TBC1D22A: variants seen among roughly 807,000 people sequenced by gnomAD.
The protein encoded by TBC1D22A is TBC1 domain family member 22A.
TBC1D22A carries 38 observed loss-of-function variants against 60.2 expected under a neutral mutation model. That is an observed-to-expected ratio of 0.63 (90% CI 0.49 to 0.83). TBC1D22A has a LOEUF of 0.83. Ranked by LOEUF, TBC1D22A falls within the 40% of genes least tolerant of loss-of-function variation. The pLI, the probability that TBC1D22A is intolerant of heterozygous loss-of-function variation, is 0.00. For synonymous variants in TBC1D22A, 302 were observed against 281.7 expected (o/e 1.07, Z -0.72); for missense variants, 628 against 701.0 (o/e 0.90, Z 1.18).
chr22:47,003,702 A>ACG (rs1458725018), intron 10 of TBC1D22A, among the ~76,000 whole-genome samples: 7 of 104,396 alleles, frequency 6.7e-5, no homozygotes, highest in East Asian at 2.9e-4. Flanking sequence ...CACACACCCT[A>ACG]CACACATGCC....
At chr22:46,889,038 A>C (rs796851173) in intron 5 of TBC1D22A, among the ~76,000 whole-genome samples, 1 of 152,346 alleles carries the variant, frequency 6.6e-6, no homozygotes, top group African/African-American at 2.4e-5. Flanking sequence ...AGGAACACTA[A>C]TTATAAAAGA....
At chr22:47,096,138 T>C (rs1251178099) in intron 11 of TBC1D22A, among the ~76,000 whole-genome samples, 1 of 152,256 alleles carries the variant, frequency 6.6e-6, no homozygotes, top group African/African-American at 2.4e-5. Context: ...TTTGTTTCAT[T>C]TTTAAAAAGC....
At chr22:46,794,934 G>T (rs941948809) in intron 3 of TBC1D22A, among the ~76,000 whole-genome samples, 3 of 152,210 alleles carry the variant, frequency 2.0e-5, no homozygotes, top group African/African-American at 7.2e-5. Context: ...AGAAGATGGA[G>T]ATTGTTAGGG....
At chr22:47,151,278 C>T (rs781198050) in intron 12 of TBC1D22A, among the ~76,000 whole-genome samples, 4 of 152,198 alleles carry the variant, frequency 2.6e-5, no homozygotes, top group Non-Finnish European at 4.4e-5. Context: ...TCCACCTTCC[C>T]GGGTGAGGCA....
intron 11 of TBC1D22A, among the ~76,000 whole-genome samples, chr22:47,093,680 A>G (rs2065067099): frequency 6.6e-6 from 1 of 152,212 alleles, no homozygotes; most frequent in South Asian, 2.1e-4. Context: ...GAACATGAAA[A>G]CGATCTGTCA....
At chr22:46,996,518 C>T (rs139006422) in intron 9 of TBC1D22A, among the ~76,000 whole-genome samples, 1 of 152,380 alleles carries the variant, frequency 6.6e-6, no homozygotes, top group Admixed American at 6.5e-5. Context: ...CCCTGGTTCC[C>T]CTTGCCATGT....
At chr22:46,786,522 T>G in intron 1 of TBC1D22A, among the ~76,000 whole-genome samples, 1 of 152,198 alleles carries the variant, frequency 6.6e-6, no homozygotes, top group East Asian at 1.9e-4. Flanking sequence ...ACTTGCCTCA[T>G]AGAATGAGTT....
intron 4 of TBC1D22A, among the ~76,000 whole-genome samples, chr22:46,819,065 AT>A (rs2085718909): frequency 6.6e-6 from 1 of 152,078 alleles, no homozygotes; most frequent in African/African-American, 2.4e-5. Context: ...AATACTTGTG[AT>A]TTTTGCACAT....
chr22:46,920,805 C>G (rs1731824664), intron 8 of TBC1D22A, among the ~76,000 whole-genome samples: 1 of 148,450 alleles, frequency 6.7e-6, no homozygotes, highest in South Asian at 2.1e-4. Context: ...GATGGTGTCT[C>G]TGTTGCTCAG....
intron 6 of TBC1D22A, 43 bp from the exon 7 acceptor site, chr22:46,894,741 T>G (rs754752083): frequency 1.2e-6 from 2 of 1,608,966 alleles, no homozygotes; most frequent in South Asian, 1.1e-5. Flanking sequence ...TAATGATGTT[T>G]GTTGTGACGT....
intron 4 of TBC1D22A, among the ~76,000 whole-genome samples, chr22:46,858,463 C>CCT (rs1555913812): frequency 6.6e-6 from 1 of 151,864 alleles, no homozygotes; most frequent in Non-Finnish European, 1.5e-5. Flanking sequence ...TGGCAAACAC[C>CCT]CCCCCCAGCT....
rs560903277 is a variant in TBC1D22A, at chr22:47,174,663, C to G, written c.*1037C>G. On this transcript the variant is annotated 3_prime_UTR_variant, in exon 13 of 13. Transcript: ENST00000337137. ...TCCGTGGACCGGTTCCGCCATGGACCGGTTCCGCCATGGACCACTCCTGCC... is the reference window on the plus strand; with the variant it reads ...TCCGTGGACCGGTTCCGCCATGGACGGGTTCCGCCATGGACCACTCCTGCC... 1 of 146,092 alleles carries G rather than the reference C, an allele frequency of 6.8e-6. No homozygotes were observed. Among genetic ancestry groups the G allele is most frequent in the African/African-American group, 2.4e-5 (1 of 40,880 alleles). 9.0% of individuals were successfully genotyped at this position (146,092 alleles called of 1,614,324 possible).
intron 8 of TBC1D22A, among the ~76,000 whole-genome samples, chr22:46,972,179 G>A (rs2074091448): frequency 6.6e-6 from 1 of 152,200 alleles, no homozygotes; most frequent in Non-Finnish European, 1.5e-5. Context: ...GTCCCAGGAG[G>A]AACCCATCCA....
chr22:46,845,921 G>T (rs926361482), intron 4 of TBC1D22A, among the ~76,000 whole-genome samples: 8 of 152,238 alleles, frequency 5.3e-5, no homozygotes, highest in Admixed American at 1.3e-4. Flanking sequence ...AGGAGGATAC[G>T]CCTTGCTGCA....
rs191905404 is a variant in TBC1D22A at position 47,129,745 on chromosome 22, A to C, written c.1425+18142A>C. On this transcript the variant is annotated intron_variant, in intron 12 of 12. Transcript: ENST00000337137. Reference sequence around the variant, plus strand: ...CAAAAATTTTTATTTAATCAAAGCTATGTGTTATATATTAGAGGAAATTTT... The same window carrying C: ...CAAAAATTTTTATTTAATCAAAGCTCTGTGTTATATATTAGAGGAAATTTT... 1.4e-4 allele frequency among the ~76,000 whole-genome samples: 21 copies of C among 152,292 alleles called. No homozygotes were observed. The East Asian group carries it at 4.1e-3, about 29-fold the overall frequency.
intron 9 of TBC1D22A, among the ~76,000 whole-genome samples, chr22:46,993,437 A>C (rs1361250453): frequency 6.6e-6 from 1 of 152,238 alleles, no homozygotes; most frequent in Admixed American, 6.5e-5. Flanking sequence ...TGGAAAGGAC[A>C]TGCATACTTA....
chr22:46,814,309 A>G (rs921995209), intron 4 of TBC1D22A, among the ~76,000 whole-genome samples: 1 of 152,106 alleles, frequency 6.6e-6, no homozygotes, highest in Non-Finnish European at 1.5e-5. Flanking sequence ...AGTGGATGCT[A>G]TTTTTATTCC....
At chr22:47,099,872 G>A (rs1021038576) in intron 11 of TBC1D22A, among the ~76,000 whole-genome samples, 4 of 152,118 alleles carry the variant, frequency 2.6e-5, no homozygotes, top group Admixed American at 6.5e-5. Flanking sequence ...CTGTTTTCTC[G>A]TCTATAGAGA....
chr22:46,803,152 A>C (rs910937006), intron 4 of TBC1D22A, among the ~76,000 whole-genome samples: 1 of 151,892 alleles, frequency 6.6e-6, no homozygotes, highest in East Asian at 1.9e-4. Context: ...GTTATCAGCC[A>C]CCAAAAGACC....
Sources: allele counts gnomAD v4.1 joint callset (sites outside exome capture counted in the v4.1 genomes callset), GRCh38; gene constraint gnomAD v4.1.1; transcripts MANE v1.5; gene names NCBI Gene and HGNC (gene_info 2026-07-23, HGNC 2026-07-21).